The following CDH13 variants were observed in gnomAD, a reference collection of about 807,000 sequenced individuals.
The protein encoded by CDH13 is cadherin 13.
In CDH13, 24 loss-of-function variants were observed where a neutral mutation model predicts 63.8. That is an observed-to-expected ratio of 0.38 (90% CI 0.27 to 0.53). CDH13 has a LOEUF of 0.53. Among genes scored for constraint, CDH13 ranks in the 20% least tolerant of loss-of-function variants. The probability of loss-of-function intolerance (pLI) is 0.85; values close to 1 mark genes in which losing one functional copy is unlikely to be tolerated. For synonymous variants in CDH13, 503 were observed against 355.3 expected (o/e 1.42, Z -4.67); for missense variants, 1,049 against 903.1 (o/e 1.16, Z -2.07).
intron 1 of CDH13, among the ~76,000 whole-genome samples, chr16:82,828,707 TAC>T (rs979439141): frequency 7.9e-5 from 12 of 151,954 alleles, no homozygotes; most frequent in Non-Finnish European, 1.8e-4. Context: ...TATACATATA[TAC>T]ACACACACAT....
chr16:83,079,322 A>C (rs1230351803), intron 3 of CDH13, among the ~76,000 whole-genome samples: 2 of 152,140 alleles, frequency 1.3e-5, no homozygotes, highest in Non-Finnish European at 2.9e-5. Flanking sequence ...ATGGATGGTT[A>C]TTCATATTCT....
chr16:82,861,375 C>T (rs551693605), intron 2 of CDH13, among the ~76,000 whole-genome samples: 72 of 151,352 alleles, frequency 4.8e-4, no homozygotes, highest in African/African-American at 1.5e-3. Flanking sequence ...TTGATGTCTA[C>T]ACTCTTCACT....
chr16:83,082,628 G>T (rs2033331535), intron 3 of CDH13, among the ~76,000 whole-genome samples: 1 of 152,034 alleles, frequency 6.6e-6, no homozygotes, highest in Non-Finnish European at 1.5e-5. Flanking sequence ...TGGGCAACAA[G>T]ACAAGACTGT....
At chr16:82,777,641 C>T (rs951665932) in intron 1 of CDH13, among the ~76,000 whole-genome samples, 2 of 152,180 alleles carry the variant, frequency 1.3e-5, no homozygotes, top group African/African-American at 4.8e-5. Flanking sequence ...TCCACAATTT[C>T]TGTGCAGCAA....
At chr16:83,514,391 C>T (rs1567727898) in intron 7 of CDH13, among the ~76,000 whole-genome samples, 2 of 152,172 alleles carry the variant, frequency 1.3e-5, no homozygotes, top group South Asian at 4.1e-4. Flanking sequence ...TGCCTGTAAT[C>T]CCAGCACTTT....
intron 4 of CDH13, among the ~76,000 whole-genome samples, chr16:83,129,279 C>T (rs187364802): frequency 5.3e-5 from 8 of 152,238 alleles, no homozygotes; most frequent in African/African-American, 7.2e-5. Context: ...ATAAATATTA[C>T]GTATTAGACT....
At chr16:82,830,964 T>G (rs2038513181) in intron 1 of CDH13, among the ~76,000 whole-genome samples, 1 of 152,112 alleles carries the variant, frequency 6.6e-6, no homozygotes, top group African/African-American at 2.4e-5. Context: ...ATACAGAGGG[T>G]GCTTAGCAAA....
At chr16:83,118,561 A>G (rs1281777179) in intron 3 of CDH13, among the ~76,000 whole-genome samples, 2 of 151,846 alleles carry the variant, frequency 1.3e-5, no homozygotes, top group Non-Finnish European at 2.9e-5. Flanking sequence ...CGAATTACTC[A>G]CTCCTGATAC....
chr16:83,507,220 C>G (rs368501025), intron 7 of CDH13, among the ~76,000 whole-genome samples: 87 of 152,292 alleles, frequency 5.7e-4, no homozygotes, highest in African/African-American at 1.9e-3. Context: ...ATTAATGCCA[C>G]TGTCACAAGG....
At chr16:82,716,012 C>G (rs1597390910) in intron 1 of CDH13, among the ~76,000 whole-genome samples, 3 of 152,172 alleles carry the variant, frequency 2.0e-5, no homozygotes, top group Admixed American at 6.5e-5. Context: ...TCCCTGCAGT[C>G]TGCTGGCGCT....
intron 1 of CDH13, among the ~76,000 whole-genome samples, chr16:82,751,337 G>A (rs949473065): frequency 6.6e-6 from 1 of 152,062 alleles, no homozygotes; most frequent in Non-Finnish European, 1.5e-5. Flanking sequence ...TGTAAATGAA[G>A]CCCAAAGGAA....
At chr16:82,895,814 C>T (rs2041236069) in intron 2 of CDH13, among the ~76,000 whole-genome samples, 1 of 151,996 alleles carries the variant, frequency 6.6e-6, no homozygotes, top group South Asian at 2.1e-4. Context: ...AACACGTCCA[C>T]AGAAATTCCA....
chr16:83,719,968 G>A (rs1909471302), intron 10 of CDH13, among the ~76,000 whole-genome samples: 1 of 152,138 alleles, frequency 6.6e-6, no homozygotes, highest in Non-Finnish European at 1.5e-5. Context: ...CACACTGTGA[G>A]GCCTTGCAAG....
intron 1 of CDH13, among the ~76,000 whole-genome samples, chr16:82,835,719 T>C (rs1407924564): frequency 1.3e-5 from 2 of 152,190 alleles, no homozygotes; most frequent in Non-Finnish European, 2.9e-5. Context: ...TCCCTAGTTT[T>C]GCTGGTCTCA....
intron 3 of CDH13, among the ~76,000 whole-genome samples, chr16:83,071,185 T>G (rs1409296751): frequency 6.6e-6 from 1 of 152,112 alleles, no homozygotes; most frequent in Admixed American, 6.5e-5. Flanking sequence ...AGCAGAGACC[T>G]GATTATACAT....
At chr16:83,581,056 A>C (rs1447215805) in intron 7 of CDH13, among the ~76,000 whole-genome samples, 1 of 152,182 alleles carries the variant, frequency 6.6e-6, no homozygotes, top group Admixed American at 6.5e-5. Context: ...ATGTTGTTAA[A>C]ATCCTAGCCT....
chr16:83,546,644 A>T (rs932955266), intron 7 of CDH13, among the ~76,000 whole-genome samples: 17 of 152,238 alleles, frequency 1.1e-4, no homozygotes, highest in African/African-American at 4.1e-4. Flanking sequence ...TTCACCTCCT[A>T]TTCTGGGTAG....
chr16:83,777,566 G>C (rs1915209591), intron 11 of CDH13, among the ~76,000 whole-genome samples: 2 of 152,236 alleles, frequency 1.3e-5, no homozygotes, highest in African/African-American at 4.8e-5. Context: ...TGGCTCTACT[G>C]CAACATCCCT....
At chr16:83,652,589 C>T (rs1397349686) in intron 8 of CDH13, among the ~76,000 whole-genome samples, 3 of 152,100 alleles carry the variant, frequency 2.0e-5, no homozygotes, top group Non-Finnish European at 2.9e-5. Flanking sequence ...CTTTACTGGC[C>T]CCTCATGCCA....
Sources: gnomAD v4.1 joint callset for allele counts (sites outside exome capture counted in the v4.1 genomes callset) on GRCh38, gnomAD v4.1.1 for gene constraint, MANE v1.5 for transcripts, NCBI Gene and HGNC (gene_info 2026-07-23, HGNC 2026-07-21) for gene names.